RUNX1T1: variants seen among roughly 807,000 people sequenced by gnomAD.
The protein encoded by RUNX1T1 is RUNX1 partner transcriptional co-repressor 1.
In RUNX1T1, 4 loss-of-function variants were observed where a neutral mutation model predicts 62.8. The observed-to-expected ratio is 0.06, with a 90% CI of 0.03 to 0.15. The LOEUF (loss-of-function observed/expected upper bound fraction) is 0.15. RUNX1T1 is among the 10% of genes least tolerant of loss of function. The pLI is 1.00. For missense variants in RUNX1T1, 508 were observed against 754.3 expected (o/e 0.67, Z 3.82); for synonymous variants, 291 against 286.0 (o/e 1.02, Z -0.18).
At chr8:92,038,084 ACAGGGT>A (rs1469870454) in intron 1 of RUNX1T1, among the ~76,000 whole-genome samples, 3 of 135,308 alleles carry the variant, frequency 2.2e-5, no homozygotes, top group African/African-American at 1.0e-4. Context: ...ATTCTGTGAG[ACAGGGT>A]CTCACTCTGT....
intron 1 of RUNX1T1, chr8:92,062,522 G>C: frequency 6.2e-7 from 1 of 1,611,804 alleles, no homozygotes; most frequent in Non-Finnish European, 8.5e-7. Context: ...AAAACAGAGA[G>C]AACACAGAAC....
chr8:92,055,463 A>C (rs1342382543), intron 1 of RUNX1T1, among the ~76,000 whole-genome samples: 1 of 152,026 alleles, frequency 6.6e-6, no homozygotes, highest in Non-Finnish European at 1.5e-5. Flanking sequence ...TTTTTTTGAG[A>C]CAGGGTTTCA....
At chr8:92,074,055 A>G (rs1474003292) in intron 2 of RUNX1T1, among the ~76,000 whole-genome samples, 1 of 152,176 alleles carries the variant, frequency 6.6e-6, no homozygotes, top group Non-Finnish European at 1.5e-5. Flanking sequence ...GTTACAAAAT[A>G]GGTCAATACA....
At chr8:92,035,114 G>A (rs28373051) in intron 1 of RUNX1T1, among the ~76,000 whole-genome samples, 32,887 of 151,758 alleles carry the variant, frequency 0.22, 3,660 homozygotes, top group Middle Eastern at 0.27. Context: ...GGCCAACGTG[G>A]TGAAACGCCG....
At chr8:91,998,481 T>C (rs1210863047) in intron 5 of RUNX1T1, among the ~76,000 whole-genome samples, 2 of 152,158 alleles carry the variant, frequency 1.3e-5, no homozygotes, top group African/African-American at 4.8e-5. Context: ...AGCAGTGTGC[T>C]AATACCTTTA....
intron 2 of RUNX1T1, among the ~76,000 whole-genome samples, chr8:92,015,327 T>A (rs1822778862): frequency 6.6e-6 from 1 of 152,210 alleles, no homozygotes; most frequent in African/African-American, 2.4e-5. Context: ...AGTTTTAACC[T>A]TCCACCACCC....
intron 1 of RUNX1T1, among the ~76,000 whole-genome samples, chr8:92,059,853 A>G (rs1157039160): frequency 6.6e-6 from 1 of 152,166 alleles, no homozygotes; most frequent in Non-Finnish European, 1.5e-5. Flanking sequence ...CTTAAAAAAA[A>G]GTTCCAGGCA....
intron 1 of RUNX1T1, among the ~76,000 whole-genome samples, chr8:92,047,243 C>T (rs896824806): frequency 1.3e-5 from 2 of 152,086 alleles, no homozygotes; most frequent in African/African-American, 2.4e-5. Flanking sequence ...CACACTCTAC[C>T]CTCTGCCTGG....
chr8:91,993,938 G>C (rs1818190408), intron 5 of RUNX1T1, among the ~76,000 whole-genome samples: 1 of 152,148 alleles, frequency 6.6e-6, no homozygotes, highest in South Asian at 2.1e-4. Context: ...GATGCAGTGA[G>C]CCGAGATTGT....
intron 1 of RUNX1T1, among the ~76,000 whole-genome samples, chr8:92,082,413 T>C (rs563972985): frequency 3.9e-5 from 6 of 152,252 alleles, no homozygotes; most frequent in African/African-American, 1.2e-4. Context: ...TGCCCCGTCA[T>C]GTGCACAGGG....
At chr8:92,063,124 C>G (rs762334101), upstream of RUNX1T1, among the ~76,000 whole-genome samples, 3 of 151,834 alleles carry the variant, frequency 2.0e-5, no homozygotes, top group Admixed American at 6.6e-5. Context: ...GTACAGAACT[C>G]AAAGCCTGTT....
chr8:92,019,794 T>C lies in RUNX1T1; in HGVS notation c.8-2431A>G, dbSNP rs542289093. Among the ~76,000 whole-genome samples the C allele has an allele frequency of 5.8e-4, 89 of 152,324 alleles. 1 individual carries two copies. The highest frequency in any genetic ancestry group is 1.0e-3 in the Non-Finnish European group (70 of 68,034). ...CCAATTTTAGAAAGTTTTTGGTATA[T>C]TCATAATTTTGATTTGAAAACATCT... is the stretch of plus-strand genomic sequence containing the variant. On this transcript the variant is annotated intron_variant, in intron 1 of 10. Transcript: ENST00000396218.
At chr8:92,034,696 A>G (rs1826930766) in intron 1 of RUNX1T1, among the ~76,000 whole-genome samples, 1 of 150,972 alleles carries the variant, frequency 6.6e-6, no homozygotes, top group Admixed American at 6.6e-5. Flanking sequence ...GTGTGTATAC[A>G]TGTATACATA....
intron 8 of RUNX1T1, among the ~76,000 whole-genome samples, chr8:91,985,552 C>T (rs543284461): frequency 5.3e-4 from 81 of 152,198 alleles, no homozygotes; most frequent in Middle Eastern, 3.4e-3. Context: ...ACATCTTTAT[C>T]ATTAATTTTA....
At chr8:91,983,251 C>T (rs1042522448) in intron 8 of RUNX1T1, among the ~76,000 whole-genome samples, 1 of 151,978 alleles carries the variant, frequency 6.6e-6, no homozygotes, top group Non-Finnish European at 1.5e-5. Flanking sequence ...TCTTAAAATT[C>T]AATTAGTAAT....
At chr8:91,990,613 A>G (rs944005805) in intron 6 of RUNX1T1, among the ~76,000 whole-genome samples, 1 of 151,616 alleles carries the variant, frequency 6.6e-6, no homozygotes, top group Non-Finnish European at 1.5e-5. Flanking sequence ...CATTTGTTCT[A>G]TAGAAGGCAA....
intron 1 of RUNX1T1, among the ~76,000 whole-genome samples, chr8:92,031,703 C>T (rs1334167863): frequency 6.6e-6 from 1 of 152,036 alleles, no homozygotes; most frequent in Non-Finnish European, 1.5e-5. Context: ...CTCCTGGCCT[C>T]GAGCAATCCT....
chr8:92,034,788 A>G (rs1827025423), intron 1 of RUNX1T1, among the ~76,000 whole-genome samples: 1 of 110,924 alleles, frequency 9.0e-6, no homozygotes. Context: ...ACATATATAT[A>G]TACATATATA....
rs186373815 is a variant in RUNX1T1 at position 91,975,588 on chromosome 8, A to T, written c.1267+317T>A. 2.6e-5 allele frequency among the ~76,000 whole-genome samples: 4 copies of T among 152,008 alleles called. No individual in the cohort carries two copies. In the East Asian group the frequency reaches 7.8e-4, roughly 30 times the overall value. Reference sequence around the variant, plus strand: ...AAGAAAAAAATGCATGCAAGCTAAGACCTCCTATGCCAAGTTTCAGCCTGA... The same window carrying T: ...AAGAAAAAAATGCATGCAAGCTAAGTCCTCCTATGCCAAGTTTCAGCCTGA... On this transcript the variant is annotated intron_variant, in intron 9 of 10. Transcript: ENST00000396218.
Sources: allele counts gnomAD v4.1 joint callset (sites outside exome capture counted in the v4.1 genomes callset), GRCh38; gene constraint gnomAD v4.1.1; transcripts MANE v1.5; gene names NCBI Gene and HGNC (gene_info 2026-07-23, HGNC 2026-07-21).